MGAT4C: variants seen among roughly 807,000 people sequenced by gnomAD.
MGAT4C encodes the protein MGAT4 family member C.
Under a neutral mutation model 40.1 loss-of-function variants are expected in MGAT4C, and 19 were observed. The ratio of observed to expected loss-of-function variants is 0.47; its 90% CI spans 0.33 to 0.70. MGAT4C has a LOEUF of 0.70. Among genes scored for constraint, MGAT4C ranks in the 30% least tolerant of loss-of-function variants. MGAT4C has a pLI of 0.02. For missense variants in MGAT4C, 491 were observed against 563.2 expected (o/e 0.87, Z 1.30); for synonymous variants, 181 against 187.1 (o/e 0.97, Z 0.27).
At chr12:86,463,946 T>C (rs1193449168) in intron 2 of MGAT4C, among the ~76,000 whole-genome samples, 1 of 152,216 alleles carries the variant, frequency 6.6e-6, no homozygotes, top group African/African-American at 2.4e-5. Flanking sequence ...TTTCTTGTGA[T>C]TCACTAGTTA....
intron 4 of MGAT4C, among the ~76,000 whole-genome samples, chr12:86,284,772 C>T (rs757619690): frequency 6.6e-6 from 1 of 151,914 alleles, no homozygotes; most frequent in Non-Finnish European, 1.5e-5. Context: ...GAGTTCCATG[C>T]AGCCTTCTCC....
chr12:86,538,831 T>A (rs1414205380), intron 2 of MGAT4C, among the ~76,000 whole-genome samples: 1 of 151,950 alleles, frequency 6.6e-6, no homozygotes, highest in African/African-American at 2.4e-5. Context: ...ATGGTCTCGA[T>A]CTTCTGACCT....
intron 2 of MGAT4C, among the ~76,000 whole-genome samples, chr12:86,617,251 T>G (rs1360162166): frequency 6.6e-6 from 1 of 152,190 alleles, no homozygotes; most frequent in Non-Finnish European, 1.5e-5. Flanking sequence ...AGATTTAGTA[T>G]TTGTGCAATT....
At chr12:86,249,795 T>C (rs1478343291) in intron 1 of MGAT4C, among the ~76,000 whole-genome samples, 3 of 152,134 alleles carry the variant, frequency 2.0e-5, no homozygotes, top group South Asian at 2.1e-4. Context: ...TTTGCCCACC[T>C]GTACCTGAAA....
chr12:86,672,876 T>G (rs1467204188), intron 2 of MGAT4C, among the ~76,000 whole-genome samples: 1 of 152,118 alleles, frequency 6.6e-6, no homozygotes, highest in African/African-American at 2.4e-5. Context: ...GTAACAAACC[T>G]ATATATGTAC....
chr12:86,609,610 C>T (rs897622933), intron 2 of MGAT4C, among the ~76,000 whole-genome samples: 2 of 151,822 alleles, frequency 1.3e-5, no homozygotes, highest in East Asian at 3.9e-4. Context: ...GGTACTTGGG[C>T]TAAAAATATT....
intron 2 of MGAT4C, among the ~76,000 whole-genome samples, chr12:86,466,020 C>A (rs987070837): frequency 1.3e-5 from 2 of 151,950 alleles, no homozygotes; most frequent in Non-Finnish European, 2.9e-5. Context: ...ACCAGCCTGT[C>A]CAGCATGATG....
At chr12:86,693,954 A>G (rs1950212690) in intron 2 of MGAT4C, among the ~76,000 whole-genome samples, 1 of 152,136 alleles carries the variant, frequency 6.6e-6, no homozygotes, top group Admixed American at 6.6e-5. Flanking sequence ...GACATTCATT[A>G]CCCGTCAGCT....
chr12:86,562,536 G>A (rs1227811756), intron 2 of MGAT4C, among the ~76,000 whole-genome samples: 3 of 152,072 alleles, frequency 2.0e-5, no homozygotes, highest in Admixed American at 2.0e-4. Context: ...TTTGTCTGAG[G>A]AGATTAACCC....
At chr12:86,204,354 A>G (rs1950175241) in intron 1 of MGAT4C, among the ~76,000 whole-genome samples, 2 of 152,154 alleles carry the variant, frequency 1.3e-5, no homozygotes, top group South Asian at 4.1e-4. Flanking sequence ...TTTGGAGTTC[A>G]AGAGTTCAAG....
In MGAT4C at chr12:86,367,660, G is replaced by A. The variant is rs374256162; in HGVS notation, c.-119-33533C>T. On this transcript the variant is annotated intron_variant, in intron 3 of 7. Transcript: ENST00000548651. ...TAAAAATACAAAAAATTAGCTGGGC[G>A]TGGTGGCAGGTGCCTGTAGTCCCAG... Among the ~76,000 whole-genome samples the A allele has an allele frequency of 9.2e-5, 14 of 152,202 alleles. No individual in the cohort carries two copies. The East Asian group carries it at 1.9e-3, about 21-fold the overall frequency.
At chr12:86,114,950 A>C (rs908845824) in intron 1 of MGAT4C, among the ~76,000 whole-genome samples, 12 of 151,710 alleles carry the variant, frequency 7.9e-5, no homozygotes, top group African/African-American at 2.9e-4. Flanking sequence ...CTTTGAACCC[A>C]CTCCTGGAAA....
chr12:86,807,772 C>A (rs1291481254), intron 1 of MGAT4C, among the ~76,000 whole-genome samples: 1 of 152,112 alleles, frequency 6.6e-6, no homozygotes, highest in Non-Finnish European at 1.5e-5. Context: ...TATTTCTCTG[C>A]AACCTTCCCA....
chr12:86,240,354 T>C (rs1951734715), intron 1 of MGAT4C, among the ~76,000 whole-genome samples: 1 of 152,036 alleles, frequency 6.6e-6, no homozygotes, highest in Admixed American at 6.6e-5. Context: ...TTCTATATAA[T>C]TTAATGTAAA....
intron 2 of MGAT4C, among the ~76,000 whole-genome samples, chr12:86,000,406 C>CTACTAA (rs1369597850): frequency 1.3e-5 from 2 of 151,968 alleles, no homozygotes; most frequent in African/African-American, 4.8e-5. Context: ...AAAGATTCTA[C>CTACTAA]AGGATAATGG....
At chr12:86,497,615 T>A (rs752598534) in intron 2 of MGAT4C, among the ~76,000 whole-genome samples, 17 of 151,642 alleles carry the variant, frequency 1.1e-4, no homozygotes, top group Non-Finnish European at 2.4e-4. Flanking sequence ...ACTCTCAGAG[T>A]ATGCTGGACC....
chr12:86,624,169 C>T (rs1593054111), intron 2 of MGAT4C, among the ~76,000 whole-genome samples: 1 of 151,996 alleles, frequency 6.6e-6, no homozygotes, highest in Non-Finnish European at 1.5e-5. Flanking sequence ...GCAGTGATAC[C>T]AACTGAGGCA....
At chr12:86,162,528 A>G (rs188329799) in intron 1 of MGAT4C, among the ~76,000 whole-genome samples, 1 of 152,232 alleles carries the variant, frequency 6.6e-6, no homozygotes, top group Admixed American at 6.5e-5. Context: ...AAAACTACCT[A>G]TTGGGTACTA....
chr12:86,264,506 A>G (rs1952737040), intron 4 of MGAT4C, among the ~76,000 whole-genome samples: 1 of 152,132 alleles, frequency 6.6e-6, no homozygotes, highest in Non-Finnish European at 1.5e-5. Flanking sequence ...CCACAGAGCC[A>G]AGGGAAGCAA....
Sources: gnomAD v4.1 joint callset for allele counts (sites outside exome capture counted in the v4.1 genomes callset) on GRCh38, gnomAD v4.1.1 for gene constraint, MANE v1.5 for transcripts, NCBI Gene and HGNC (gene_info 2026-07-23, HGNC 2026-07-21) for gene names.